Variants in EEF1D observed in about 807,000 individuals in gnomAD.
EEF1D encodes eukaryotic translation elongation factor 1 delta.
In EEF1D, 47 loss-of-function variants were observed where a neutral mutation model predicts 63.9. The ratio of observed to expected loss-of-function variants is 0.74; its 90% CI spans 0.58 to 0.94. The LOEUF (loss-of-function observed/expected upper bound fraction) is 0.94, where lower values mean the gene tolerates loss of function less well. Ranked by LOEUF, EEF1D falls within the 40% of genes least tolerant of loss-of-function variation. The probability of loss-of-function intolerance (pLI) is 0.00; values close to 1 mark genes in which losing one functional copy is unlikely to be tolerated. For synonymous variants in EEF1D, 412 were observed against 386.1 expected (o/e 1.07, Z -0.79); for missense variants, 907 against 899.0 (o/e 1.01, Z -0.11).
rs367706936 is a variant in EEF1D at position 143,590,132 on chromosome 8, C to T, written c.1-51G>A. On this transcript the variant is annotated intron_variant, in intron 2 of 9. Coordinates refer to ENST00000618139, the MANE Select transcript of EEF1D (RefSeq NM_001130053.5). ...AGCAGAGGGCAGAGTTGCAACACAG[C>T]GGGTGGCCGCAGCCCCGTGCCCACC... The T allele has an allele frequency of 3.4e-4, 537 of 1,597,468 alleles. 3 individuals carry two copies. The highest frequency in any genetic ancestry group is 4.4e-4 in the Non-Finnish European group (519 of 1,179,620).
intron 5 of EEF1D, chr8:143,581,698 C>T: frequency 3.9e-6 from 1 of 257,306 alleles, no homozygotes; most frequent in South Asian, 8.2e-5. Context: ...CTCAGGGGAC[C>T]AGGCAGCACT....
intron 4 of EEF1D, among the ~76,000 whole-genome samples, 169 bp from the exon 5 acceptor site, chr8:143,586,459 G>C (rs1826646407): frequency 6.6e-6 from 1 of 152,238 alleles, no homozygotes; most frequent in South Asian, 2.1e-4. Flanking sequence ...AGGCTGTGAC[G>C]ACAGGCAAAG....
intron 7 of EEF1D, 35 bp from the exon 8 acceptor site, chr8:143,580,762 G>A: frequency 1.9e-6 from 3 of 1,607,232 alleles, no homozygotes; most frequent in Non-Finnish European, 8.5e-7. Context: ...GCACGGCTGA[G>A]ACGCCCCAAC....
chr8:143,580,363 G>C, intron 8 of EEF1D, 143 bp downstream of exon 8: 1 of 1,256,904 alleles, frequency 8.0e-7, no homozygotes, highest in South Asian at 1.4e-5. Context: ...CTGCCTCCAA[G>C]TTTGTGTTTA....
chr8:143,586,628 G>A (rs2130994770), intron 4 of EEF1D, 101 bp downstream of exon 4: 1 of 1,500,224 alleles, frequency 6.7e-7, no homozygotes, highest in East Asian at 2.3e-5. Context: ...CACTGGGCCA[G>A]GGTGCCTCTG....
chr8:143,589,706 G>C lies in EEF1D; in HGVS notation c.376C>G (p.Arg126Gly), dbSNP rs568697177. Residue 126 changes from arginine (R) to glycine (G), a missense_variant, in exon 3 of 10, where the codon CGC becomes GGC. Physicochemically the swap from Arg to Gly is moderately radical, Grantham distance 125. Transcript: ENST00000618139. ...SLFDQAESSY[R>G]QKLADVAAQA... ...GCAGCCACATCTGCCAGCTTCTGGC[G>C]GTAGGAGCTCTCTGCCTGGTCGAAA... 2 of 1,525,572 alleles carry C rather than the reference G, an allele frequency of 1.3e-6. No individual in the cohort carries two copies. The highest frequency in any genetic ancestry group is 8.8e-7 in the Non-Finnish European group (1 of 1,136,104). 94.5% of individuals were successfully genotyped at this position (1,525,572 alleles called of 1,614,324 possible).
Position 143,589,911 on chromosome 8 carries a change from A to G in EEF1D, c.171T>C (p.Pro57=). The change falls in exon 3 of 10, where the codon CCT becomes CCC. Residue 57 remains proline (P), a synonymous_variant. Transcript: ENST00000618139. ...PAMNGPGQDD[P]EDADEAEAPD... is the part of the protein sequence containing the mutation. ...GGGCTTCCGCCTCATCAGCGTCCTC[A>G]GGGTCGTCCTGGCCGGGCCCATTCA... The G allele has an allele frequency of 6.3e-7, 1 of 1,598,786 alleles. No homozygotes were observed.
At chr8:143,590,171 C>T (rs1173433183) in intron 2 of EEF1D, 90 bp from the exon 3 acceptor site, 1 of 1,564,584 alleles carries the variant, frequency 6.4e-7, no homozygotes, top group Non-Finnish European at 8.6e-7. Context: ...CCCGTGCCCG[C>T]CCTCCCCGTG....
intron 1 of EEF1D, chr8:143,592,978 C>G (rs950855530): frequency 2.0e-5 from 3 of 152,382 alleles, no homozygotes; most frequent in Admixed American, 2.0e-4. Flanking sequence ...CTGAGCCAAC[C>G]TTTCCCAAAT....
At position 143,589,822 on chromosome 8, in the gene EEF1D, T is replaced by G; in HGVS notation, c.260A>C (p.Lys87Thr). ...CCCGCTCTTGGGGGAGCGCTTCCTC[T>G]TTTTCTGCAGGGGCTTCCTGCTGTC... ...SQDSRKPLQKKRKRSPKSGLG... is the reference protein window; with the variant it reads ...SQDSRKPLQKTRKRSPKSGLG... Residue 87 changes from lysine to threonine, a missense_variant, in exon 3 of 10, where the codon AAG (lysine) becomes ACG (threonine). Coordinates refer to ENST00000618139, the MANE Select transcript of EEF1D (RefSeq NM_001130053.5). 1.2e-6 allele frequency: 2 copies of G among 1,603,600 alleles called. No homozygotes were observed. Among genetic ancestry groups the G allele is most frequent in the South Asian group, 2.2e-5 (2 of 90,176 alleles).
intron 1 of EEF1D, among the ~76,000 whole-genome samples, chr8:143,595,168 CA>C (rs1485861372): frequency 2.0e-5 from 3 of 152,182 alleles, no homozygotes; most frequent in South Asian, 2.1e-4. Context: ...CTCCCGGGTC[CA>C]AGCAATTCTC....
intron 5 of EEF1D, among the ~76,000 whole-genome samples, chr8:143,585,617 C>T (rs1344888854): frequency 7.2e-5 from 11 of 152,216 alleles, no homozygotes; most frequent in Non-Finnish European, 7.3e-5. Flanking sequence ...CCCAACTCCT[C>T]GGGAACACCA....
intron 1 of EEF1D, among the ~76,000 whole-genome samples, chr8:143,595,783 G>A (rs1828701788): frequency 1.3e-5 from 2 of 152,210 alleles, no homozygotes; most frequent in South Asian, 2.1e-4. Context: ...TGCCTCCTGG[G>A]TGACTCCAGC....
At chr8:143,593,940 C>T (rs774352066) in intron 1 of EEF1D, 24 of 985,222 alleles carry the variant, frequency 2.4e-5, no homozygotes, top group Non-Finnish European at 2.9e-5. Flanking sequence ...CTTGCGCAGA[C>T]GACAGGCACG....
intron 9 of EEF1D, 82 bp from the exon 10 acceptor site, chr8:143,579,912 C>T (rs1824987236): frequency 2.6e-6 from 4 of 1,545,084 alleles, no homozygotes; most frequent in African/African-American, 2.7e-5. Context: ...AGGTGGGGTT[C>T]ACTCTGGGAC....
At chr8:143,586,972 C>T in intron 3 of EEF1D, 120 bp from the exon 4 acceptor site, 1 of 1,383,658 alleles carries the variant, frequency 7.2e-7, no homozygotes, top group East Asian at 2.3e-5. Context: ...CGGTTCTCCA[C>T]AAAGCGACAC....
At chr8:143,594,269 G>A (rs1415010075) in intron 1 of EEF1D, 2 of 152,314 alleles carry the variant, frequency 1.3e-5, no homozygotes, top group African/African-American at 4.8e-5. Flanking sequence ...CAGAGTTTGA[G>A]AGTGCCCTGG....
intron 5 of EEF1D, 108 bp from the exon 6 acceptor site, chr8:143,581,436 A>G: frequency 1.0e-6 from 1 of 986,034 alleles, no homozygotes; most frequent in South Asian, 1.6e-5. Context: ...AGCTCGGGAG[A>G]GCAGGAGGTG....
intron 8 of EEF1D, 26 bp from the exon 9 acceptor site, chr8:143,580,232 G>C (rs758180131): frequency 1.2e-6 from 2 of 1,606,038 alleles, no homozygotes; most frequent in Non-Finnish European, 1.7e-6. Flanking sequence ...AGGAAAAGCT[G>C]GGGTCAGCCA....
Sources: gnomAD v4.1 joint callset for allele counts (sites outside exome capture counted in the v4.1 genomes callset) on GRCh38, gnomAD v4.1.1 for gene constraint, MANE v1.5 for transcripts, NCBI Gene and HGNC (gene_info 2026-07-23, HGNC 2026-07-21) for gene names.